The following KATNIP variants were observed in gnomAD, a reference collection of about 807,000 sequenced individuals.
KATNIP encodes katanin-interacting protein.
A neutral mutation model predicts 174.0 loss-of-function variants in KATNIP; 126 were observed. The ratio of observed to expected loss-of-function variants is 0.72; its 90% CI spans 0.63 to 0.84. The LOEUF (loss-of-function observed/expected upper bound fraction) is 0.84, where lower values mean the gene tolerates loss of function less well. Among genes scored for constraint, KATNIP ranks in the 40% least tolerant of loss-of-function variants. The probability of loss-of-function intolerance (pLI) is 0.00; values close to 1 mark genes in which losing one functional copy is unlikely to be tolerated. For synonymous variants in KATNIP, 810 were observed against 835.7 expected (o/e 0.97, Z 0.53); for missense variants, 1,958 against 2,109.7 (o/e 0.93, Z 1.41).
Position 27,761,554 on chromosome 16 carries a change from TC to T in KATNIP, c.3777del (p.Glu1260SerfsTer12), listed in dbSNP as rs1301234090. ...ISASPRDLNELPEYSDDSRAL... is the reference protein window; with the variant it reads ...ISASPRDLNEXPEYSDDSRAL... The stretch of plus-strand genomic sequence containing the variant: ...GCTTCCCCCAGAGACTTAAATGAGC[TC>T]CCCGAGTACTCTGACGACTCCCGGG... On this transcript the variant is annotated frameshift_variant, in exon 19 of 28. Coordinates refer to ENST00000261588, the MANE Select transcript of KATNIP (RefSeq NM_015202.5). LOFTEE classifies it high-confidence loss of function. 6.2e-7 allele frequency: 1 copy of T among 1,614,020 alleles called. No individual in the cohort carries two copies. Among genetic ancestry groups the T allele is most frequent in the Non-Finnish European group, 8.5e-7 (1 of 1,180,000 alleles).
At position 27,776,868 on chromosome 16, in the gene KATNIP, C is replaced by A; in HGVS notation, c.4450-60C>A. On this transcript the variant is annotated intron_variant, in intron 24 of 27. Coordinates refer to ENST00000261588, the MANE Select transcript of KATNIP (RefSeq NM_015202.5). The surrounding 1 kb of genome is among the most constrained non-coding windows in gnomAD (Gnocchi z 4.7). ...CCCAGCCCACGCCTGGCACCCCCAG[C>A]CCAGCCAAGCGCCTCTGTTTCCAAA... is the stretch of plus-strand genomic sequence containing the variant. 7.8e-7 allele frequency: 1 copy of A among 1,280,084 alleles called. No homozygotes were observed. Among genetic ancestry groups the A allele is most frequent in the Non-Finnish European group, 1.1e-6 (1 of 879,200 alleles). 79.3% of individuals were successfully genotyped at this position (1,280,084 alleles called of 1,614,324 possible). A position where few individuals can be genotyped will look rare whatever the true frequency, so the allele number is the denominator to read the frequency against.
intron 2 of KATNIP, among the ~76,000 whole-genome samples, chr16:27,582,155 A>G (rs920103148): frequency 3.9e-5 from 6 of 152,132 alleles, no homozygotes; most frequent in African/African-American, 1.4e-4. Flanking sequence ...AGACTCCACT[A>G]GCGCGCAAAC....
At chr16:27,676,738 T>C (rs2078131904) in intron 6 of KATNIP, among the ~76,000 whole-genome samples, 1 of 152,120 alleles carries the variant, frequency 6.6e-6, no homozygotes, top group African/African-American at 2.4e-5. Context: ...GTGGCAATCA[T>C]AGCTCACTGC....
chr16:27,668,558 C>CA (rs1286579979), intron 6 of KATNIP, among the ~76,000 whole-genome samples: 1 of 152,206 alleles, frequency 6.6e-6, no homozygotes, highest in Non-Finnish European at 1.5e-5. Flanking sequence ...GCGTCTTTAT[C>CA]AGCAGCGTGA....
chr16:27,758,003 T>C (rs988193296), intron 18 of KATNIP, among the ~76,000 whole-genome samples: 1 of 152,210 alleles, frequency 6.6e-6, no homozygotes, highest in Non-Finnish European at 1.5e-5. Context: ...TTTCCATTTG[T>C]ATAAATACTA....
chr16:27,589,996 C>G (rs960628650), intron 2 of KATNIP, among the ~76,000 whole-genome samples: 1 of 151,796 alleles, frequency 6.6e-6, no homozygotes, highest in East Asian at 1.9e-4. Context: ...AGGCTGGTCA[C>G]AAATGATTTA....
At chr16:27,756,012 G>A (rs544145827) in intron 18 of KATNIP, among the ~76,000 whole-genome samples, 34 of 152,326 alleles carry the variant, frequency 2.2e-4, no homozygotes, top group African/African-American at 7.5e-4. Context: ...GCTGCCAGCC[G>A]TCAGCACTTC....
chr16:27,770,777 G>C (rs534688973), intron 21 of KATNIP, among the ~76,000 whole-genome samples: 2 of 152,206 alleles, frequency 1.3e-5, no homozygotes, highest in Non-Finnish European at 2.9e-5. Flanking sequence ...CTTTGACCTA[G>C]CCAGTATGAT....
intron 13 of KATNIP, 28 bp from the exon 14 acceptor site, chr16:27,721,530 T>C (rs913987895): frequency 1.2e-6 from 2 of 1,613,776 alleles, no homozygotes; most frequent in Non-Finnish European, 1.7e-6. Flanking sequence ...ATGTGCCTAA[T>C]GATTTCCTTC....
intron 6 of KATNIP, among the ~76,000 whole-genome samples, chr16:27,652,740 G>A (rs550566579): frequency 1.3e-5 from 2 of 151,662 alleles, no homozygotes; most frequent in Non-Finnish European, 2.9e-5. Context: ...TTGAACCTAG[G>A]AGGCAGAAGT....
chr16:27,751,218 T>C (rs533199475), intron 16 of KATNIP, among the ~76,000 whole-genome samples: 8 of 152,090 alleles, frequency 5.3e-5, no homozygotes, highest in Non-Finnish European at 1.0e-4. Context: ...AAGGATATAG[T>C]TTCCAGGAAG....
intron 3 of KATNIP, among the ~76,000 whole-genome samples, chr16:27,626,516 G>A (rs1432224463): frequency 6.6e-6 from 1 of 152,150 alleles, no homozygotes; most frequent in African/African-American, 2.4e-5. Context: ...TTTACAAGTT[G>A]TCTTCGTTTT....
intron 3 of KATNIP, among the ~76,000 whole-genome samples, chr16:27,624,169 G>A (rs1037152270): frequency 1.3e-5 from 2 of 151,728 alleles, no homozygotes; most frequent in African/African-American, 4.8e-5. Context: ...GCACTTTTGT[G>A]GGCAAGTTTT....
At chr16:27,700,726 A>G (rs2079066603) in intron 10 of KATNIP, among the ~76,000 whole-genome samples, 1 of 152,176 alleles carries the variant, frequency 6.6e-6, no homozygotes, top group Non-Finnish European at 1.5e-5. Context: ...AGCAGGAAGA[A>G]GCCCTTTGTG....
intron 8 of KATNIP, among the ~76,000 whole-genome samples, chr16:27,692,638 G>A (rs1298956716): frequency 6.6e-6 from 1 of 152,110 alleles, no homozygotes; most frequent in Non-Finnish European, 1.5e-5. Flanking sequence ...TATTCCCAGG[G>A]CTCACCGCCT....
At chr16:27,724,535 A>G (rs1469349643) in intron 14 of KATNIP, among the ~76,000 whole-genome samples, 1 of 152,190 alleles carries the variant, frequency 6.6e-6, no homozygotes, top group Non-Finnish European at 1.5e-5. Flanking sequence ...ATGGGGTGTC[A>G]TCATGGGTGC....
chr16:27,756,534 C>T (rs185175590), intron 18 of KATNIP, among the ~76,000 whole-genome samples: 92 of 152,268 alleles, frequency 6.0e-4, no homozygotes, highest in Non-Finnish European at 7.9e-4. Flanking sequence ...AATCCAAAGC[C>T]CACATCCTCA....
Position 27,777,090 on chromosome 16 carries a change from G to A in KATNIP, c.4551+61G>A, listed in dbSNP as rs2082526953. ...ATGCTCGTTGGTAATTAGGCCGCCG[G>A]CAATTATCATTTGTCGCAGTTTGAT... On this transcript the variant is annotated intron_variant, in intron 25 of 27. Coordinates refer to ENST00000261588, the MANE Select transcript of KATNIP (RefSeq NM_015202.5). The surrounding 1 kb of genome is among the most constrained non-coding windows in gnomAD (Gnocchi z 4.4). The A allele has an allele frequency of 2.8e-6, 3 of 1,054,376 alleles. No homozygotes were observed. The highest frequency in any genetic ancestry group is 4.4e-6 in the Non-Finnish European group (3 of 675,312). 65.3% of individuals were successfully genotyped at this position (1,054,376 alleles called of 1,614,324 possible).
Position 27,642,471 on chromosome 16 carries a change from A to G in KATNIP, c.409-6133A>G, listed in dbSNP as rs146009120. On this transcript the variant is annotated intron_variant, in intron 5 of 27. Transcript: ENST00000261588. ...ATAATAAAAAGAAAAATTCAAATCAATGATGAACTTCAAAGCCGTTACAGC... is the reference window on the plus strand; with the variant it reads ...ATAATAAAAAGAAAAATTCAAATCAGTGATGAACTTCAAAGCCGTTACAGC... Among the ~76,000 whole-genome samples, 404 of 152,246 alleles carry G rather than the reference A, an allele frequency of 2.7e-3. 3 individuals are homozygous for G. Among genetic ancestry groups the G allele is most frequent in the African/African-American group, 8.5e-3 (355 of 41,548 alleles).
Sources: gnomAD v4.1 joint callset for allele counts (sites outside exome capture counted in the v4.1 genomes callset) on GRCh38, gnomAD v4.1.1 for gene constraint, Gnocchi (gnomAD v3.1) non-coding constraint, MANE v1.5 for transcripts, NCBI Gene and HGNC (gene_info 2026-07-23, HGNC 2026-07-21) for gene names.